MYZAP: variants seen among roughly 807,000 people sequenced by gnomAD.
The protein encoded by MYZAP is myocardial zonula adherens protein, also known as GRINL1A complex locus upstream.
A neutral mutation model predicts 69.4 loss-of-function variants in MYZAP; 66 were observed. The ratio of observed to expected loss-of-function variants is 0.95; its 90% CI spans 0.78 to 1.17. MYZAP has a LOEUF of 1.17. MYZAP is among the 50% of genes most tolerant of loss of function. The pLI is 0.00. For synonymous variants in MYZAP, 256 were observed against 205.9 expected (o/e 1.24, Z -2.09); for missense variants, 611 against 556.2 (o/e 1.10, Z -0.99).
intron 10 of MYZAP, among the ~76,000 whole-genome samples, chr15:57,640,068 G>A (rs976813048): frequency 6.6e-6 from 1 of 151,098 alleles, no homozygotes; most frequent in East Asian, 1.9e-4. Context: ...CTTTTCCTTT[G>A]CCACCATCCT....
intron 11 of MYZAP, among the ~76,000 whole-genome samples, chr15:57,669,809 G>A (rs1226512641): frequency 2.6e-5 from 4 of 151,940 alleles, no homozygotes; most frequent in East Asian, 3.8e-4. Flanking sequence ...TGCTTCACCT[G>A]CATCTCACAA....
At position 57,665,446 on chromosome 15, in the gene MYZAP, C is replaced by T. The variant is rs9806239; in HGVS notation, c.1203+3913C>T. ...CTATTATGTATTCTGGCTCCATGCC[C>T]AGGCAGTATTTGGGGATTTATTGAT... On this transcript the variant is annotated intron_variant, in intron 11 of 12. Coordinates refer to ENST00000267853, the MANE Select transcript of MYZAP (RefSeq NM_001018100.5). Among the ~76,000 whole-genome samples the T allele has an allele frequency of 2.9e-3, 443 of 152,340 alleles. 1 individual carries two copies. The highest frequency in any genetic ancestry group is 9.6e-3 in the African/African-American group (401 of 41,570).
At chr15:57,676,398 ATATATATATATGTATATATATGTG>A (rs1255687579) in intron 12 of MYZAP, among the ~76,000 whole-genome samples, 115 of 10,680 alleles carry the variant, frequency 0.011, no homozygotes, top group Non-Finnish European at 0.032. Flanking sequence ...AAAATGTTGA[ATATATATATATGTATATATATGTG>A]TATATATATA....
At chr15:57,646,061 A>G in intron 10 of MYZAP, 4 of 885,930 alleles carry the variant, frequency 4.5e-6, no homozygotes, top group Non-Finnish European at 6.4e-6. Flanking sequence ...ATTGGTAATT[A>G]GCCAAATGGG....
rs1020924899 is a variant in MYZAP at position 57,647,652 on chromosome 15, C to T, written c.1119+8107C>T. On this transcript the variant is annotated intron_variant, in intron 10 of 12. Transcript: ENST00000267853. ...ACCTGGAGGCCAGGCAGGCCTTATT[C>T]TGGAGCAGATAGTGAGTGAGGTTCC... 5 of 985,394 alleles carry T rather than the reference C, an allele frequency of 5.1e-6. No individual in the cohort carries two copies. In the Admixed American group the frequency reaches 3.1e-4, roughly 61 times the overall value. The allele number at this position is 985,394 out of a possible 1,614,324, so 61.0% of individuals were successfully genotyped here.
At chr15:57,629,148 T>A (rs2140426098) in intron 5 of MYZAP, among the ~76,000 whole-genome samples, 2 of 150,700 alleles carry the variant, frequency 1.3e-5, no homozygotes, top group Middle Eastern at 3.5e-3. Flanking sequence ...TCTATAAAGC[T>A]CGTATTTTGT....
chr15:57,678,438 A>G (rs2039251790), intron 12 of MYZAP, among the ~76,000 whole-genome samples: 1 of 152,188 alleles, frequency 6.6e-6, no homozygotes, highest in African/African-American at 2.4e-5. Flanking sequence ...TTAATAACTA[A>G]TAGCTATTAC....
chr15:57,674,891 A>G, intron 11 of MYZAP, 77 bp from the exon 12 acceptor site: 1 of 1,261,268 alleles, frequency 7.9e-7, no homozygotes, highest in South Asian at 1.4e-5. Flanking sequence ...ATCAGATAAT[A>G]CATATAAATT....
rs10679285 is a variant in MYZAP at position 57,601,274 on chromosome 15, T to TTGTGTGTGTGTG, written c.76-2980_76-2969dup. ...GGCATATATGTACGTGTGTGCACAC[T>TTGTGTGTGTGTG]TGTGTGTGTGTGTGTGTGTGTGTGT... On this transcript the variant is annotated intron_variant, in intron 1 of 12. Coordinates refer to ENST00000267853, the MANE Select transcript of MYZAP (RefSeq NM_001018100.5). Among the ~76,000 whole-genome samples the TTGTGTGTGTGTG allele has an allele frequency of 1.2e-3, 182 of 148,338 alleles. 2 individuals are homozygous for TTGTGTGTGTGTG. The highest frequency in any genetic ancestry group is 2.3e-3 in the African/African-American group (91 of 40,248).
chr15:57,675,058 C>T lies in MYZAP; in HGVS notation c.1294C>T (p.Leu432Phe), dbSNP rs141029299. The T allele has an allele frequency of 3.9e-5, 62 of 1,608,282 alleles. No homozygotes were observed. Among genetic ancestry groups the T allele is most frequent in the Non-Finnish European group, 4.8e-5 (56 of 1,178,130 alleles). ...CAGAGAGATAGGAGTGGGCTGTGAT[C>T]TTCTACCCAGGTATTTAGGAATTTC... is the stretch of plus-strand genomic sequence containing the variant. ...ETREIGVGCD[L>F]LPSQTGRTRE... The change falls in exon 12 of 13, where the codon CTT becomes TTT. Residue 432 changes from leucine (L) to phenylalanine (F), a missense_variant. Leu to Phe is a conservative substitution (Grantham distance 22). Coordinates refer to ENST00000267853, the MANE Select transcript of MYZAP (RefSeq NM_001018100.5).
chr15:57,630,113 C>A (rs564710306), intron 6 of MYZAP, among the ~76,000 whole-genome samples: 6 of 152,108 alleles, frequency 3.9e-5, no homozygotes, highest in Non-Finnish European at 7.4e-5. Context: ...GAATTACAGG[C>A]ACGTGCCACC....
At chr15:57,652,265 T>TC (rs1199549833) in intron 10 of MYZAP, among the ~76,000 whole-genome samples, 30 of 152,168 alleles carry the variant, frequency 2.0e-4, no homozygotes, top group African/African-American at 5.3e-4. Context: ...TTTCCTTTAC[T>TC]CCCCCCCAAA....
intron 1 of MYZAP, 24 bp from the exon 2 acceptor site, chr15:57,604,245 G>A (rs1376339583): frequency 2.5e-6 from 4 of 1,613,088 alleles, no homozygotes; most frequent in East Asian, 2.2e-5. Context: ...CTCCTAACTG[G>A]CCTCTCCTTT....
chr15:57,679,930 GGAGT>G lies in MYZAP; in HGVS notation c.1305-4467_1305-4464del, dbSNP rs2039344618. Among the ~76,000 whole-genome samples, 4 of 152,260 alleles carry G rather than the reference GGAGT, an allele frequency of 2.6e-5. No individual in the cohort carries two copies. The South Asian group carries it at 8.3e-4, about 32-fold the overall frequency. On this transcript the variant is annotated intron_variant, in intron 12 of 12. Coordinates refer to ENST00000267853, the MANE Select transcript of MYZAP (RefSeq NM_001018100.5). ...TCTTTCTTCAAAGTCTCTCCTCTTA[GGAGT>G]GAGTAAGAATACTGGCTTGGAAGTT...
intron 10 of MYZAP, among the ~76,000 whole-genome samples, chr15:57,655,296 A>G (rs929426695): frequency 2.0e-5 from 3 of 152,204 alleles, no homozygotes; most frequent in Non-Finnish European, 4.4e-5. Flanking sequence ...TAGTGTGTTC[A>G]TGCAGTGCTG....
intron 10 of MYZAP, among the ~76,000 whole-genome samples, chr15:57,654,658 A>G (rs1304183482): frequency 8.5e-5 from 13 of 152,204 alleles, no homozygotes; most frequent in Non-Finnish European, 1.6e-4. Context: ...TGCTACTCAC[A>G]TGACTACAAT....
chr15:57,678,948 G>A (rs1049239712), intron 12 of MYZAP, among the ~76,000 whole-genome samples: 19 of 152,100 alleles, frequency 1.2e-4, no homozygotes, highest in East Asian at 9.7e-4. Flanking sequence ...AGGCCGAGGC[G>A]GGCGGATCAC....
intron 12 of MYZAP, among the ~76,000 whole-genome samples, chr15:57,682,991 C>T (rs1427080509): frequency 1.3e-5 from 2 of 152,106 alleles, no homozygotes. Context: ...TTGTTCAGGT[C>T]ATGGCGGGAA....
chr15:57,642,514 A>G (rs1328598393), intron 10 of MYZAP, among the ~76,000 whole-genome samples: 1 of 151,930 alleles, frequency 6.6e-6, no homozygotes, highest in Non-Finnish European at 1.5e-5. Context: ...GATGTTAAGG[A>G]CCCTTTTTCT....
Sources: allele counts gnomAD v4.1 joint callset (sites outside exome capture counted in the v4.1 genomes callset), GRCh38; gene constraint gnomAD v4.1.1; transcripts MANE v1.5; gene names NCBI Gene and HGNC (gene_info 2026-07-23, HGNC 2026-07-21).